IL1RAPL1: variants seen among roughly 807,000 people sequenced by gnomAD.
The protein encoded by IL1RAPL1 is interleukin-1 receptor accessory protein-like 1.
A neutral mutation model predicts 48.4 loss-of-function variants in IL1RAPL1; 3 were observed. The ratio of observed to expected loss-of-function variants is 0.06; its 90% confidence interval spans 0.03 to 0.16. The LOEUF is 0.16. Among genes scored for constraint, IL1RAPL1 ranks in the 10% least tolerant of loss-of-function variants. IL1RAPL1 has a pLI of 1.00. For missense variants in IL1RAPL1, 349 were observed against 530.6 expected, an observed-to-expected ratio of 0.66 and a Z score of 3.36; for synonymous variants, 185 against 187.7, an observed-to-expected ratio of 0.99 and a Z score of 0.12.
At chrX:28,977,951 G>A in intron 2 of IL1RAPL1, among the ~76,000 whole-genome samples, 1 of 112,279 alleles carries the variant, frequency 8.9e-6, no homozygotes, top group East Asian at 2.8e-4. Flanking sequence ...GCTACAGAGT[G>A]AGACTCTGTC....
At chrX:29,498,335 C>T (rs1935235827) in intron 5 of IL1RAPL1, among the ~76,000 whole-genome samples, 1 of 111,617 alleles carries the variant, frequency 9.0e-6, no homozygotes, top group South Asian at 3.8e-4. Flanking sequence ...TCTGTAAAGG[C>T]TCCTGCCATT....
intron 2 of IL1RAPL1, among the ~76,000 whole-genome samples, chrX:29,023,103 A>G (rs753442121): frequency 8.9e-6 from 1 of 112,001 alleles, no homozygotes; most frequent in Admixed American, 9.5e-5. Context: ...AATAAACTCT[A>G]CTGCAGCCTC....
At chrX:29,623,213 T>C (rs1281319875) in intron 5 of IL1RAPL1, among the ~76,000 whole-genome samples, 1 of 105,256 alleles carries the variant, frequency 9.5e-6, no homozygotes. Context: ...ACCCGGGAGA[T>C]GGAGCTTGCC....
At chrX:29,214,199 CAAAAAAAAA>C (rs1930823880) in intron 2 of IL1RAPL1, among the ~76,000 whole-genome samples, 1 of 105,861 alleles carries the variant, frequency 9.4e-6, no homozygotes, top group African/African-American at 3.4e-5. Flanking sequence ...AAATCAAATG[CAAAAAAAAA>C]GAAAAAAGAG....
chrX:29,689,887 A>G (rs1258509717), intron 6 of IL1RAPL1, among the ~76,000 whole-genome samples: 1 of 112,249 alleles, frequency 8.9e-6, no homozygotes, highest in Non-Finnish European at 1.9e-5. Context: ...AATTTCTTAT[A>G]CAATTAGGAA....
At chrX:29,558,892 G>A (rs73450692) in intron 5 of IL1RAPL1, among the ~76,000 whole-genome samples, 28,162 of 110,598 alleles carry the variant, frequency 0.25, 2,884 homozygotes, top group South Asian at 0.45. Context: ...TGCTCTGTAT[G>A]TCTGTTTTTA....
At chrX:29,595,106 A>G (rs1043883828) in intron 5 of IL1RAPL1, among the ~76,000 whole-genome samples, 1 of 112,505 alleles carries the variant, frequency 8.9e-6, no homozygotes, top group Non-Finnish European at 1.9e-5. Context: ...GTATATATAC[A>G]CCACATTTTT....
rs147759817 is a variant in IL1RAPL1, at chrX:28,799,044, G to A, written c.82+9619G>A. 1.4e-3 allele frequency among the ~76,000 whole-genome samples: 154 copies of A among 111,780 alleles called. 2 individuals carry two copies. Among genetic ancestry groups the A allele is most frequent in the African/African-American group, 4.6e-3 (142 of 30,785 alleles). ...CCTGACCTGAAAATGATTTCCAGAC[G>A]TAAAGTAATAGCAGTGAGAATAGTG... On this transcript the variant is annotated intron_variant, in intron 2 of 10. Transcript: ENST00000378993.
At position 28,703,036 on chromosome X, in the gene IL1RAPL1, G is replaced by T. The variant is rs1935320682; in HGVS notation, c.-24-86284G>T. 3.6e-5 allele frequency among the ~76,000 whole-genome samples: 4 copies of T among 111,491 alleles called. No individual in the cohort carries two copies. In the South Asian group the frequency reaches 1.5e-3, roughly 41 times the overall value. ...GATCAGTTGTGAGTCTCTTCCTTAT[G>T]CCCAATTCTCTTGCCCTTGCATCAG... is the stretch of plus-strand genomic sequence containing the variant. On this transcript the variant is annotated intron_variant, in intron 1 of 10. Coordinates refer to ENST00000378993, the MANE Select transcript of IL1RAPL1 (RefSeq NM_014271.4).
At chrX:28,769,004 C>A (rs1330755452) in intron 1 of IL1RAPL1, among the ~76,000 whole-genome samples, 1 of 107,284 alleles carries the variant, frequency 9.3e-6, no homozygotes, top group Non-Finnish European at 1.9e-5. Flanking sequence ...AGTTCCATAG[C>A]TAGTTAAAAC....
chrX:29,446,771 T>A (rs1300308209), intron 5 of IL1RAPL1, among the ~76,000 whole-genome samples: 1 of 111,612 alleles, frequency 9.0e-6, no homozygotes, highest in Non-Finnish European at 1.9e-5. Flanking sequence ...TGTAGCCGTT[T>A]CCTCAAGAAA....
intron 6 of IL1RAPL1, among the ~76,000 whole-genome samples, chrX:29,683,666 A>G (rs1926529510): frequency 8.9e-6 from 1 of 112,171 alleles, no homozygotes; most frequent in South Asian, 3.7e-4. Context: ...AATTGTGCAC[A>G]ACATGCAATA....
chrX:29,079,818 G>C (rs185181802), intron 2 of IL1RAPL1, among the ~76,000 whole-genome samples: 188 of 111,199 alleles, frequency 1.7e-3, no homozygotes, highest in African/African-American at 5.9e-3. Flanking sequence ...AAAATGAGAG[G>C]GAAGAGTCCA....
chrX:29,261,346 C>T (rs1471910164), intron 2 of IL1RAPL1, among the ~76,000 whole-genome samples: 1 of 111,252 alleles, frequency 9.0e-6, no homozygotes, highest in Non-Finnish European at 1.9e-5. Flanking sequence ...AATAACCCTT[C>T]AGGCTCTTTA....
intron 1 of IL1RAPL1, among the ~76,000 whole-genome samples, chrX:28,653,515 A>C (rs987618324): frequency 9.0e-6 from 1 of 110,841 alleles, no homozygotes; most frequent in Non-Finnish European, 1.9e-5. Context: ...TGCCCTTTGC[A>C]AACACCATTT....
At chrX:28,750,571 T>C (rs1390357812) in intron 1 of IL1RAPL1, among the ~76,000 whole-genome samples, 1 of 111,818 alleles carries the variant, frequency 8.9e-6, no homozygotes, top group African/African-American at 3.2e-5. Flanking sequence ...GAGTATTAGC[T>C]TTCATCATAG....
chrX:29,230,145 A>AGGCCTTCATTTCAAATAAAGAC (rs2147556892), intron 2 of IL1RAPL1, among the ~76,000 whole-genome samples: 1 of 111,694 alleles, frequency 9.0e-6, no homozygotes, highest in South Asian at 3.8e-4. Flanking sequence ...TTGAGAGGAT[A>AGGCCTTCATTTCAAATAAAGAC]GGCCTTCATT....
At chrX:29,267,986 G>A (rs772912859) in intron 2 of IL1RAPL1, among the ~76,000 whole-genome samples, 11 of 111,133 alleles carry the variant, frequency 9.9e-5, no homozygotes, top group Non-Finnish European at 1.7e-4. Context: ...GCAATACAGA[G>A]GAATGGCAGG....
chrX:29,256,502 T>TA (rs1254471340), intron 2 of IL1RAPL1, among the ~76,000 whole-genome samples: 9 of 111,679 alleles, frequency 8.1e-5, no homozygotes, highest in African/African-American at 2.9e-4. Flanking sequence ...GATAGGAAGA[T>TA]ATGTTAATTG....
Sources: allele counts gnomAD v4.1 joint callset (sites outside exome capture counted in the v4.1 genomes callset), GRCh38; gene constraint gnomAD v4.1.1; transcripts MANE v1.5; gene names NCBI Gene and HGNC (gene_info 2026-07-23, HGNC 2026-07-21).